Variants in PPFIA4 observed in about 807,000 individuals in gnomAD.
PPFIA4 encodes the protein PPFI scaffold protein A4.
Under a neutral mutation model 145.7 loss-of-function variants are expected in PPFIA4, and 98 were observed. The observed-to-expected ratio is 0.67, with a 90% CI of 0.57 to 0.80. PPFIA4 has a LOEUF of 0.80. Among genes scored for constraint, PPFIA4 ranks in the 30% least tolerant of loss-of-function variants. The probability of loss-of-function intolerance (pLI) is 0.00; values close to 1 mark genes in which losing one functional copy is unlikely to be tolerated. For missense variants in PPFIA4, 1,457 were observed against 1,632.7 expected, an observed-to-expected ratio of 0.89 and a Z score of 1.85; for synonymous variants, 628 against 649.6, an observed-to-expected ratio of 0.97 and a Z score of 0.51.
intron 1 of PPFIA4, among the ~76,000 whole-genome samples, chr1:203,033,002 C>T (rs912569413): frequency 6.6e-6 from 1 of 152,114 alleles, no homozygotes; most frequent in African/African-American, 2.4e-5. Context: ...AGACTCAGGC[C>T]CAGGGGAGCC....
chr1:203,076,178 T>A (rs1349352242), intron 29 of PPFIA4, 163 bp from the exon 30 acceptor site: 3 of 772,164 alleles, frequency 3.9e-6, no homozygotes, highest in Non-Finnish European at 6.5e-6. Flanking sequence ...CCAGTCCCGC[T>A]TACCAGCACT....
chr1:203,066,774 AATT>A (rs1258293462), intron 25 of PPFIA4, among the ~76,000 whole-genome samples: 4 of 152,226 alleles, frequency 2.6e-5, no homozygotes, highest in Non-Finnish European at 5.9e-5. Context: ...TATGCGAATT[AATT>A]ATTTCCTTTA....
chr1:203,071,632 C>A (rs1662176243), intron 27 of PPFIA4, 60 bp from the exon 28 acceptor site: 11 of 1,322,022 alleles, frequency 8.3e-6, no homozygotes, highest in South Asian at 6.2e-5. Context: ...TGAAAGATGG[C>A]ATAAAGGTAG....
chr1:203,066,060 T>C (rs898381850), intron 25 of PPFIA4, among the ~76,000 whole-genome samples: 2 of 152,248 alleles, frequency 1.3e-5, no homozygotes, highest in Admixed American at 6.5e-5. Context: ...ATCTCACATT[T>C]GCTGGGTGCC....
At chr1:203,069,905 C>T (rs1293631778) in intron 27 of PPFIA4, among the ~76,000 whole-genome samples, 1 of 152,160 alleles carries the variant, frequency 6.6e-6, no homozygotes, top group African/African-American at 2.4e-5. Flanking sequence ...TGCCCACTCA[C>T]CTCTCTTTGT....
In PPFIA4 at chr1:203,043,597, G is replaced by C. The variant is rs1659855270; in HGVS notation, c.336+99G>C. On this transcript the variant is annotated intron_variant, in intron 3 of 29. Coordinates refer to ENST00000295706, the MANE Select transcript of PPFIA4 (RefSeq NM_001304331.2). The surrounding 1 kb of genome is among the most constrained non-coding windows in gnomAD (Gnocchi z 4.4). ...TTGACCAAGAGAGCAGGCAAGAGTG[G>C]GGCCAGGCACAGTCCTAGCTCAAGC... The C allele has an allele frequency of 9.0e-7, 1 of 1,107,638 alleles. No homozygotes were observed. Among genetic ancestry groups the C allele is most frequent in the Admixed American group, 2.0e-5 (1 of 49,426 alleles). 68.6% of individuals were successfully genotyped at this position (1,107,638 alleles called of 1,614,324 possible).
intron 24 of PPFIA4, 86 bp downstream of exon 24, chr1:203,061,764 C>CTAA: frequency 7.3e-7 from 1 of 1,377,970 alleles, no homozygotes; most frequent in Non-Finnish European, 9.9e-7. Flanking sequence ...GCAGGAATCT[C>CTAA]TGAGTCCTTC....
intron 18 of PPFIA4, 125 bp from the exon 19 acceptor site, chr1:203,056,659 C>G (rs993512859): frequency 7.7e-7 from 1 of 1,305,446 alleles, no homozygotes; most frequent in East Asian, 2.5e-5. Context: ...GTTCATGTGT[C>G]TCCTTTTCCC....
chr1:203,030,314 C>A (rs745420762), intron 1 of PPFIA4, among the ~76,000 whole-genome samples: 7 of 152,012 alleles, frequency 4.6e-5, no homozygotes, highest in Non-Finnish European at 7.4e-5. Flanking sequence ...GCCTCAGCAG[C>A]TGCTTCAGAA....
At chr1:203,041,260 A>G (rs1029424093) in intron 2 of PPFIA4, among the ~76,000 whole-genome samples, 1 of 152,198 alleles carries the variant, frequency 6.6e-6, no homozygotes, top group African/African-American at 2.4e-5. Flanking sequence ...TGATATGGAA[A>G]TGACATGAGA....
intron 9 of PPFIA4, 54 bp downstream of exon 9, chr1:203,046,436 CAG>C: frequency 2.0e-6 from 3 of 1,519,804 alleles, no homozygotes; most frequent in Non-Finnish European, 2.7e-6. Flanking sequence ...TCTGAGCTCT[CAG>C]GGAGCCAGGC....
chr1:203,070,782 T>C (rs1490982764), intron 27 of PPFIA4, among the ~76,000 whole-genome samples: 10 of 152,034 alleles, frequency 6.6e-5, no homozygotes, highest in African/African-American at 2.4e-4. Context: ...ATGTGAAAAC[T>C]TATCAGATAT....
rs557933986 is a variant in PPFIA4, at chr1:203,060,288, C to T, written c.2655C>T (p.Ser885=). 26 of 1,614,110 alleles carry T rather than the reference C, an allele frequency of 1.6e-5. No individual in the cohort carries two copies. Among genetic ancestry groups the T allele is most frequent in the East Asian group, 6.7e-5 (3 of 44,870 alleles). ...RANVKSGAIM[S]ALSDTEIQRE... is the part of the protein sequence containing the mutation. ...ACGTCAAGAGTGGTGCCATCATGTC[C>T]GCTCTGTCGGACACAGAGATCCAGC... The change falls in exon 22 of 30, where the codon TCC becomes TCT. Residue 885 remains serine, a synonymous_variant. Coordinates refer to ENST00000295706, the MANE Select transcript of PPFIA4 (RefSeq NM_001304331.2). This position sits in a 1 kb window ranked among gnomAD's most constrained non-coding sequence, Gnocchi z 4.8.
chr1:203,041,575 G>A (rs1659696751), intron 2 of PPFIA4, among the ~76,000 whole-genome samples: 1 of 152,232 alleles, frequency 6.6e-6, no homozygotes, highest in South Asian at 2.1e-4. Flanking sequence ...CTGGGTGACA[G>A]AGGAGACCGT....
At chr1:203,056,756 C>A in intron 18 of PPFIA4, 28 bp from the exon 19 acceptor site, 1 of 1,533,594 alleles carries the variant, frequency 6.5e-7, no homozygotes, top group Non-Finnish European at 8.9e-7. Context: ...TCTTCTTATT[C>A]CGCCCCCTTC....
At position 203,048,976 on chromosome 1, in the gene PPFIA4, A is replaced by G. The variant is rs773938820; in HGVS notation, c.1415A>G (p.His472Arg). 1 of 1,548,490 alleles carries G rather than the reference A, an allele frequency of 6.5e-7. No individual in the cohort carries two copies. The highest frequency in any genetic ancestry group is 1.2e-5 in the South Asian group (1 of 83,960). The change falls in exon 12 of 30, where the codon CAC becomes CGC. Residue 472 changes from histidine (H) to arginine (R), a missense_variant. Around this residue, in one of 3 missense-constraint regions of PPFIA4, gnomAD observed 848 missense variants for 1,046.7 expected, o/e 0.81. Transcript: ENST00000295706. This position sits in a 1 kb window ranked among gnomAD's most constrained non-coding sequence, Gnocchi z 5.8. The part of the protein sequence containing the change: ...SQRQIEEQHH[H>R]KGRLSEEIEK... Reference sequence around the variant, plus strand: ...CGGCAGATTGAGGAGCAGCACCACCACAAGGTACCCGGCTGCGGCCAGCCC... The same window carrying G: ...CGGCAGATTGAGGAGCAGCACCACCGCAAGGTACCCGGCTGCGGCCAGCCC...
rs1364970632 is a variant in PPFIA4 at position 203,060,354 on chromosome 1, C to G, written c.2721C>G (p.Leu907=). The G allele has an allele frequency of 6.2e-7, 1 of 1,614,018 alleles. No individual in the cohort carries two copies. Among genetic ancestry groups the G allele is most frequent in the Non-Finnish European group, 8.5e-7 (1 of 1,179,924 alleles). The change falls in exon 22 of 30, where the codon CTC becomes CTG. Residue 907 remains leucine, a synonymous_variant. Coordinates refer to ENST00000295706, the MANE Select transcript of PPFIA4 (RefSeq NM_001304331.2). This position sits in a 1 kb window ranked among gnomAD's most constrained non-coding sequence, Gnocchi z 4.8. The stretch of plus-strand genomic sequence containing the variant: ...GCAATGCCCTGCACCGGCTCAAGCT[C>G]CGCCTGGCCATTCAGGAGATGGTGT... ...GISNALHRLK[L]RLAIQEMVSL...
In PPFIA4 at chr1:203,077,886, T is replaced by G. The variant is rs1261829599; in HGVS notation, c.*1496T>G. 6.6e-6 allele frequency: 1 copy of G among 152,280 alleles called. No individual in the cohort carries two copies. The highest frequency in any genetic ancestry group is 1.5e-5 in the Non-Finnish European group (1 of 68,066). The allele number at this position is 152,280 out of a possible 1,614,324, so 9.4% of individuals were successfully genotyped here. ...AGGAAAAGCATCTGGCATGTGTTTC[T>G]TGGATAGGGGCCAGTGCAGTGCCAT... is the stretch of plus-strand genomic sequence containing the variant. On this transcript the variant is annotated 3_prime_UTR_variant, in exon 30 of 30. Coordinates refer to ENST00000295706, the MANE Select transcript of PPFIA4 (RefSeq NM_001304331.2).
chr1:203,037,630 C>T (rs538044109), intron 1 of PPFIA4, among the ~76,000 whole-genome samples: 2 of 152,344 alleles, frequency 1.3e-5, no homozygotes, highest in South Asian at 2.1e-4. Context: ...ACTTCATCGC[C>T]GGCTTCCTTT....
Sources: gnomAD v4.1 joint callset for allele counts (sites outside exome capture counted in the v4.1 genomes callset) on GRCh38, gnomAD v4.1.1 for gene constraint, gnomAD v4.1.1 regional missense constraint, Gnocchi (gnomAD v3.1) non-coding constraint, MANE v1.5 for transcripts, NCBI Gene and HGNC (gene_info 2026-07-23, HGNC 2026-07-21) for gene names.